EBPL: variants seen among roughly 807,000 people sequenced by gnomAD.
EBPL encodes EBP like.
In EBPL, 20 loss-of-function variants were observed where a neutral mutation model predicts 19.0. The observed-to-expected ratio is 1.05, with a 90% confidence interval of 0.74 to 1.53. The LOEUF is 1.53. EBPL is among the 40% of genes most tolerant of loss of function. The pLI, the probability that EBPL is intolerant of heterozygous loss-of-function variation, is 0.00. For missense variants in EBPL, 219 were observed against 261.1 expected (o/e 0.84, Z 1.11); for synonymous variants, 107 against 117.0 (o/e 0.91, Z 0.55).
chr13:49,674,120 C>T (rs1209827758), intron 1 of EBPL, among the ~76,000 whole-genome samples: 1 of 151,746 alleles, frequency 6.6e-6, no homozygotes, highest in African/African-American at 2.4e-5. Context: ...ATAACTTTTT[C>T]TTTTTTTAGA....
chr13:49,682,244 G>A (rs914009572), intron 1 of EBPL, among the ~76,000 whole-genome samples: 1 of 152,136 alleles, frequency 6.6e-6, no homozygotes, highest in Non-Finnish European at 1.5e-5. Context: ...GAGTTCTATG[G>A]TTCCTACAAC....
At chr13:49,665,495 T>G (rs1965212899) in intron 2 of EBPL, among the ~76,000 whole-genome samples, 1 of 152,236 alleles carries the variant, frequency 6.6e-6, no homozygotes, top group Admixed American at 6.5e-5. Flanking sequence ...GGTCTTGAAC[T>G]CCTGACCTCA....
intron 2 of EBPL, among the ~76,000 whole-genome samples, chr13:49,666,723 A>C (rs1045936645): frequency 1.1e-4 from 17 of 150,414 alleles, no homozygotes; most frequent in African/African-American, 2.7e-4. Flanking sequence ...AAAAAAAAAA[A>C]AAAAAAAAAA....
At position 49,661,805 on chromosome 13, in the gene EBPL, A is replaced by G. The variant is rs534648658; in HGVS notation, c.381-597T>C. 398 of 1,532,522 alleles carry G rather than the reference A, an allele frequency of 2.6e-4. 1 individual carries two copies. The highest frequency in any genetic ancestry group is 3.3e-4 in the Non-Finnish European group (379 of 1,136,392). 94.9% of individuals were successfully genotyped at this position (1,532,522 alleles called of 1,614,324 possible). On this transcript the variant is annotated intron_variant, in intron 3 of 3. Transcript: ENST00000242827. ...TCTCTCTAAAATTGGGTGGGGAAGGAAGCTTTAAATAAGACTTCTTCATTA... is the reference window on the plus strand; with the variant it reads ...TCTCTCTAAAATTGGGTGGGGAAGGGAGCTTTAAATAAGACTTCTTCATTA...
intron 1 of EBPL, among the ~76,000 whole-genome samples, chr13:49,678,415 G>A (rs1430238790): frequency 3.3e-5 from 5 of 152,212 alleles, no homozygotes; most frequent in African/African-American, 7.2e-5. Flanking sequence ...GGGTGGTGCC[G>A]GCTCGGGCAT....
chr13:49,672,078 A>T (rs1953823530), intron 1 of EBPL, among the ~76,000 whole-genome samples: 1 of 152,200 alleles, frequency 6.6e-6, no homozygotes, highest in Non-Finnish European at 1.5e-5. Flanking sequence ...TGTAACCAGC[A>T]GCTATCTGCT....
At chr13:49,682,145 T>C (rs1015784002) in intron 1 of EBPL, among the ~76,000 whole-genome samples, 6 of 152,146 alleles carry the variant, frequency 3.9e-5, no homozygotes, top group Admixed American at 2.0e-4. Context: ...TTCCACTTGA[T>C]TGAACCTGCC....
At position 49,691,388 on chromosome 13, in the gene EBPL, C is replaced by A; in HGVS notation, c.37G>T (p.Gly13Cys). The A allele has an allele frequency of 1.5e-6, 2 of 1,366,050 alleles. No individual in the cohort carries two copies. Among genetic ancestry groups the A allele is most frequent in the African/African-American group, 1.5e-5 (1 of 67,472 alleles). 84.6% of individuals were successfully genotyped at this position (1,366,050 alleles called of 1,614,324 possible). Residue 13 changes from glycine (G) to cysteine (C), a missense_variant, in exon 1 of 4, where the codon GGT becomes TGT. By Grantham distance (159) the Gly-to-Cys change is radical. This residue lies in a region of EBPL where 170 missense variants were observed against 167.0 expected (regional missense o/e 1.02). Coordinates refer to ENST00000242827, the MANE Select transcript of EBPL (RefSeq NM_032565.5). ...AGCGCGGCGCACAGCAGCAGCGAAC[C>A]GCCAGCCTCGGCCCCCAGCTCCCAC... is the stretch of plus-strand genomic sequence containing the variant. ...AEWELGAEAGGSLLLCAALLA... is the reference protein window; with the variant it reads ...AEWELGAEAGCSLLLCAALLA...
intron 2 of EBPL, 145 bp downstream of exon 2, chr13:49,669,632 G>A (rs1446684409): frequency 7.6e-6 from 5 of 660,222 alleles, no homozygotes; most frequent in Non-Finnish European, 1.3e-5. Context: ...CACGCAACCA[G>A]TAATCTACAG....
At chr13:49,690,576 T>A (rs1954052070) in intron 1 of EBPL, among the ~76,000 whole-genome samples, 1 of 152,088 alleles carries the variant, frequency 6.6e-6, no homozygotes, top group Non-Finnish European at 1.5e-5. Context: ...ATGGGTTGAA[T>A]CTCTAAGGAC....
intron 2 of EBPL, among the ~76,000 whole-genome samples, chr13:49,666,759 G>A (rs556318466): frequency 2.6e-4 from 39 of 149,186 alleles, no homozygotes; most frequent in East Asian, 1.2e-3. Flanking sequence ...GCGTGGTGGC[G>A]CACACCTGTA....
intron 1 of EBPL, among the ~76,000 whole-genome samples, chr13:49,688,442 A>G (rs1954022502): frequency 6.6e-6 from 1 of 152,170 alleles, no homozygotes; most frequent in South Asian, 2.1e-4. Flanking sequence ...GGGGGTGGCC[A>G]GGCGCAGTGG....
chr13:49,668,296 A>G (rs1031568038), intron 2 of EBPL: 35 of 190,662 alleles, frequency 1.8e-4, no homozygotes, highest in East Asian at 5.3e-4. Context: ...TATATGGGCC[A>G]GGCGCGGTGG....
At chr13:49,670,384 C>T (rs1953799061) in intron 1 of EBPL, among the ~76,000 whole-genome samples, 1 of 152,188 alleles carries the variant, frequency 6.6e-6, no homozygotes, top group African/African-American at 2.4e-5. Context: ...AAAATATCTG[C>T]AATTACAGTT....
chr13:49,674,815 G>A (rs1418533140), intron 1 of EBPL, among the ~76,000 whole-genome samples: 2 of 152,176 alleles, frequency 1.3e-5, no homozygotes, highest in Non-Finnish European at 2.9e-5. Context: ...TGTGAGGCCC[G>A]TGGGTCCAGC....
At chr13:49,666,120 G>T (rs11617604) in intron 2 of EBPL, among the ~76,000 whole-genome samples, 2 of 152,108 alleles carry the variant, frequency 1.3e-5, no homozygotes, top group South Asian at 4.1e-4. Context: ...ACAGTGTTCG[G>T]GCAGGGGCCA....
chr13:49,673,877 T>C (rs954516943), intron 1 of EBPL, among the ~76,000 whole-genome samples: 5 of 152,150 alleles, frequency 3.3e-5, no homozygotes, highest in Admixed American at 2.6e-4. Flanking sequence ...CTAGGGATCC[T>C]TGTTAGTGCT....
Position 49,669,852 on chromosome 13 carries a change from G to A in EBPL, c.172-6C>T, listed in dbSNP as rs1175381077. 1 of 1,611,762 alleles carries A rather than the reference G, an allele frequency of 6.2e-7. No homozygotes were observed. Among genetic ancestry groups the A allele is most frequent in the Non-Finnish European group, 8.5e-7 (1 of 1,178,066 alleles). On this transcript the variant is annotated splice_region_variant and splice_polypyrimidine_tract_variant and intron_variant, in intron 1 of 3. Transcript: ENST00000242827. ...AAGTAGACAAAAGGGCCTTCCTAGA[G>A]AGGAGAAAATGAAGACATGCTCTAA...
chr13:49,688,577 G>C (rs1417197460), intron 1 of EBPL, among the ~76,000 whole-genome samples: 2 of 151,982 alleles, frequency 1.3e-5, no homozygotes, highest in Non-Finnish European at 2.9e-5. Flanking sequence ...AAATTAGCCG[G>C]GCGTGGTGGC....
Sources: gnomAD v4.1 joint callset for allele counts (sites outside exome capture counted in the v4.1 genomes callset) on GRCh38, gnomAD v4.1.1 for gene constraint, gnomAD v4.1.1 regional missense constraint, MANE v1.5 for transcripts, NCBI Gene and HGNC (gene_info 2026-07-23, HGNC 2026-07-21) for gene names.